Variants in CUX2 observed in about 807,000 individuals in gnomAD.
CUX2 encodes homeobox protein cut-like 2.
In CUX2, 40 loss-of-function variants were observed where a neutral mutation model predicts 144.8. The ratio of observed to expected loss-of-function variants is 0.28; its 90% CI spans 0.21 to 0.36. The LOEUF is 0.36. CUX2 is among the 10% of genes least tolerant of loss of function. CUX2 has a pLI of 1.00. For synonymous variants in CUX2, 827 were observed against 875.6 expected (o/e 0.94, Z 0.98); for missense variants, 1,615 against 1,994.0 (o/e 0.81, Z 3.62).
intron 1 of CUX2, among the ~76,000 whole-genome samples, chr12:111,142,527 A>AG (rs968129073): frequency 2.9e-5 from 4 of 139,288 alleles, no homozygotes; most frequent in African/African-American, 1.3e-4. Flanking sequence ...TTGTCAGGGA[A>AG]GGAAAAAAAA....
At chr12:111,115,322 G>T (rs1874228697) in intron 1 of CUX2, among the ~76,000 whole-genome samples, 1 of 108,834 alleles carries the variant, frequency 9.2e-6, no homozygotes. Context: ...GTCTTGCTCT[G>T]TCGCCCAGGC....
intron 1 of CUX2, among the ~76,000 whole-genome samples, chr12:111,118,779 A>T (rs961420203): frequency 2.1e-4 from 32 of 152,280 alleles, no homozygotes; most frequent in African/African-American, 7.2e-4. Context: ...GAGAGAGCTT[A>T]AAAAAATACA....
intron 4 of CUX2, among the ~76,000 whole-genome samples, chr12:111,273,274 C>T (rs1046101540): frequency 7.2e-5 from 11 of 152,104 alleles, no homozygotes; most frequent in Non-Finnish European, 1.0e-4. Context: ...GCAGTGTGTT[C>T]GGCCCTTACA....
rs1888253683 is a variant in CUX2, at chr12:111,334,468, C to T, written c.2954C>T (p.Pro985Leu). The T allele has an allele frequency of 6.2e-7, 1 of 1,606,618 alleles. No individual in the cohort carries two copies. The highest frequency in any genetic ancestry group is 1.3e-5 in the African/African-American group (1 of 74,618). ...QASPTEPRSS[P>L]SPPPSPTEPE... Reference sequence around the variant, plus strand: ...AGTCCCACAGAACCAAGGTCCTCACCATCCCCACCCCCCAGCCCCACAGAG... The same window carrying T: ...AGTCCCACAGAACCAAGGTCCTCACTATCCCCACCCCCCAGCCCCACAGAG... Residue 985 changes from proline (P) to leucine (L), a missense_variant, in exon 19 of 22, where the codon CCA (proline) becomes CTA (leucine). Transcript: ENST00000261726.
At chr12:111,060,492 G>A (rs570815392) in intron 1 of CUX2, among the ~76,000 whole-genome samples, 1 of 152,194 alleles carries the variant, frequency 6.6e-6, no homozygotes, top group Non-Finnish European at 1.5e-5. Flanking sequence ...GAGTTCCTTG[G>A]CTAGTCTTTT....
At position 111,322,903 on chromosome 12, in the gene CUX2, C is replaced by G. The variant is rs1313642183; in HGVS notation, c.2926+323C>G. On this transcript the variant is annotated intron_variant, in intron 18 of 21. Coordinates refer to ENST00000261726, the MANE Select transcript of CUX2 (RefSeq NM_015267.4). The surrounding 1 kb of genome is among the most constrained non-coding windows in gnomAD (Gnocchi z 4.2). ...GTGTTTTGCATGTGGAGTCCCACAT[C>G]TGGAATTGCTCATCGATCTCAGCTC... 6.6e-6 allele frequency among the ~76,000 whole-genome samples: 1 copy of G among 152,224 alleles called. No individual in the cohort carries two copies. Among genetic ancestry groups the G allele is most frequent in the African/African-American group, 2.4e-5 (1 of 41,462 alleles).
At chr12:111,166,976 A>G (rs1314736969) in intron 1 of CUX2, among the ~76,000 whole-genome samples, 3 of 152,138 alleles carry the variant, frequency 2.0e-5, no homozygotes, top group Non-Finnish European at 2.9e-5. Context: ...TTATTCGGCA[A>G]CCTTGCCTGG....
intron 1 of CUX2, among the ~76,000 whole-genome samples, chr12:111,120,196 C>T (rs937443798): frequency 6.6e-6 from 1 of 152,128 alleles, no homozygotes; most frequent in African/African-American, 2.4e-5. Flanking sequence ...ATGAGGACAG[C>T]AACTCTCTTC....
intron 18 of CUX2, among the ~76,000 whole-genome samples, chr12:111,327,259 C>T (rs1480517141): frequency 1.3e-5 from 2 of 152,176 alleles, no homozygotes; most frequent in Non-Finnish European, 2.9e-5. Flanking sequence ...AATTTCCTTC[C>T]TTTTTTATGG....
chr12:111,295,192 G>C lies in CUX2; in HGVS notation c.561-141G>C, dbSNP rs985335083. 1.8e-5 allele frequency: 11 copies of C among 618,368 alleles called. No individual in the cohort carries two copies. Among genetic ancestry groups the C allele is most frequent in the Admixed American group, 3.5e-5 (1 of 28,676 alleles). The allele number at this position is 618,368 out of a possible 1,614,324, so 38.3% of individuals were successfully genotyped here. A position where few individuals can be genotyped will look rare whatever the true frequency, so the allele number is the denominator to read the frequency against. ...CAGGACAGCCAGGTGCCTGAATGTCGTGTCTAAGGACTTGCAGAAAGACAG... is the reference window on the plus strand; with the variant it reads ...CAGGACAGCCAGGTGCCTGAATGTCCTGTCTAAGGACTTGCAGAAAGACAG... On this transcript the variant is annotated intron_variant, in intron 6 of 21. Transcript: ENST00000261726. The surrounding 1 kb of genome is among the most constrained non-coding windows in gnomAD (Gnocchi z 5.0).
At chr12:111,214,897 A>ACAGACTAGAG (rs1479368621) in intron 2 of CUX2, among the ~76,000 whole-genome samples, 4 of 152,042 alleles carry the variant, frequency 2.6e-5, no homozygotes, top group Non-Finnish European at 4.4e-5. Context: ...ACAGACTAGA[A>ACAGACTAGAG]CAGACAAGTT....
chr12:111,045,792 G>A (rs778480638), intron 1 of CUX2, among the ~76,000 whole-genome samples: 1 of 152,134 alleles, frequency 6.6e-6, no homozygotes, highest in Non-Finnish European at 1.5e-5. Context: ...TTCCTCATCT[G>A]TAAAATGGGA....
rs766010946 is a variant in CUX2 at position 111,347,796 on chromosome 12, C to A, written c.3932C>A (p.Ala1311Glu). Residue 1311 changes from alanine (A) to glutamate (E), a missense_variant, in exon 22 of 22, where the codon GCA becomes GAA. By Grantham distance (107) the Ala-to-Glu change is moderately radical. Coordinates refer to ENST00000261726, the MANE Select transcript of CUX2 (RefSeq NM_015267.4). ...EQMEEDAEEEAGSQPQDSGEL... is the reference protein window; with the variant it reads ...EQMEEDAEEEEGSQPQDSGEL... ...ATGGAGGAGGATGCTGAGGAAGAGGCAGGCAGCCAGCCCCAGGACTCAGGG... is the reference window on the plus strand; with the variant it reads ...ATGGAGGAGGATGCTGAGGAAGAGGAAGGCAGCCAGCCCCAGGACTCAGGG... 6.2e-7 allele frequency: 1 copy of A among 1,613,918 alleles called. No homozygotes were observed. Among genetic ancestry groups the A allele is most frequent in the Admixed American group, 1.7e-5 (1 of 60,010 alleles).
At chr12:111,288,150 G>GT (rs1428168926) in intron 4 of CUX2, among the ~76,000 whole-genome samples, 1 of 152,154 alleles carries the variant, frequency 6.6e-6, no homozygotes, top group Admixed American at 6.6e-5. Context: ...TGGAAGGCAA[G>GT]TAAGTGTTTA....
intron 1 of CUX2, among the ~76,000 whole-genome samples, chr12:111,139,207 T>A (rs1489632722): frequency 1.2e-4 from 19 of 152,092 alleles, no homozygotes; most frequent in Admixed American, 5.9e-4. Context: ...CATGATGGAT[T>A]TGACATTCCT....
At chr12:111,294,314 G>T (rs994356649) in intron 6 of CUX2, among the ~76,000 whole-genome samples, 2 of 152,148 alleles carry the variant, frequency 1.3e-5, no homozygotes, top group African/African-American at 2.4e-5. Context: ...CACCATGTTG[G>T]CCAGGATAGT....
intron 4 of CUX2, among the ~76,000 whole-genome samples, chr12:111,272,902 G>A (rs922757060): frequency 7.9e-5 from 12 of 152,202 alleles, no homozygotes; most frequent in South Asian, 2.1e-4. Context: ...GTTGGAGAGC[G>A]GACTGAATGA....
chr12:111,195,914 C>T (rs184981690), intron 1 of CUX2, among the ~76,000 whole-genome samples: 28 of 152,172 alleles, frequency 1.8e-4, no homozygotes, highest in Admixed American at 1.2e-3. Flanking sequence ...ACAACACAAT[C>T]GATTTAGTAT....
Position 111,320,337 on chromosome 12 carries a change from G to T in CUX2, c.2328G>T (p.Lys776Asn). The change falls in exon 17 of 22, where the codon AAG becomes AAT. Residue 776 changes from lysine to asparagine, a missense_variant. Physicochemically the swap from Lys to Asn is moderately conservative, Grantham distance 94. This residue lies in a region of CUX2 where 390 missense variants were observed against 387.1 expected (regional missense o/e 1.01). Coordinates refer to ENST00000261726, the MANE Select transcript of CUX2 (RefSeq NM_015267.4). This position sits in a 1 kb window ranked among gnomAD's most constrained non-coding sequence, Gnocchi z 8.1. The stretch of plus-strand genomic sequence containing the variant: ...TGCAGAGCATCATCCGCAAGGTCAA[G>T]TCCGAGATCGGCGACGCCGGCTACT... ...AFVQSIIRKV[K>N]SEIGDAGYFD... 1 of 1,598,154 alleles carries T rather than the reference G, an allele frequency of 6.3e-7. No individual in the cohort carries two copies. Among genetic ancestry groups the T allele is most frequent in the Non-Finnish European group, 8.5e-7 (1 of 1,179,174 alleles).
Sources: allele counts gnomAD v4.1 joint callset (sites outside exome capture counted in the v4.1 genomes callset), GRCh38; gene constraint gnomAD v4.1.1; regional missense constraint gnomAD v4.1.1; non-coding constraint Gnocchi (gnomAD v3.1); transcripts MANE v1.5; gene names NCBI Gene and HGNC (gene_info 2026-07-23, HGNC 2026-07-21).